ADAM22: variants seen among roughly 807,000 people sequenced by gnomAD.
The protein encoded by ADAM22 is ADAM metallopeptidase domain 22, also known as disintegrin and metalloproteinase domain-containing protein 22.
A neutral mutation model predicts 144.6 loss-of-function variants in ADAM22; 65 were observed. The ratio of observed to expected loss-of-function variants is 0.45; its 90% CI spans 0.37 to 0.55. The LOEUF (loss-of-function observed/expected upper bound fraction) is 0.55. ADAM22 is among the 20% of genes least tolerant of loss of function. ADAM22 has a pLI of 0.00. For missense variants in ADAM22, 974 were observed against 1,184.9 expected, an observed-to-expected ratio of 0.82 and a Z score of 2.61; for synonymous variants, 391 against 412.6, an observed-to-expected ratio of 0.95 and a Z score of 0.63.
chr7:87,966,571 T>C (rs1467432873), intron 2 of ADAM22, among the ~76,000 whole-genome samples: 2 of 152,112 alleles, frequency 1.3e-5, no homozygotes, highest in Non-Finnish European at 2.9e-5. Flanking sequence ...TCTGTCTTTT[T>C]GTCTTTGCCT....
In ADAM22 at chr7:88,134,413, G is replaced by A. The variant is rs764293330; in HGVS notation, c.1162G>A (p.Ala388Thr). ...IGIISDKRKL[A>T]SGECKCEDTW... ...TATTATCTCAGACAAAAGAAAGTTAGCAAGTGGTAAGTTTTAGTACATGTG... is the reference window on the plus strand; with the variant it reads ...TATTATCTCAGACAAAAGAAAGTTAACAAGTGGTAAGTTTTAGTACATGTG... Residue 388 changes from alanine (A) to threonine (T), a missense_variant, in exon 13 of 32, where the codon GCA (alanine) becomes ACA (threonine). Ala to Thr is a moderately conservative substitution (Grantham distance 58). This residue lies in a region of ADAM22 where 734 missense variants were observed against 950.6 expected (regional missense o/e 0.77). Transcript: ENST00000413139. 3.7e-6 allele frequency: 6 copies of A among 1,606,592 alleles called. No homozygotes were observed. Among genetic ancestry groups the A allele is most frequent in the Non-Finnish European group, 4.3e-6 (5 of 1,175,662 alleles).
chr7:88,140,487 G>T (rs899982080), intron 14 of ADAM22, among the ~76,000 whole-genome samples: 3 of 152,078 alleles, frequency 2.0e-5, no homozygotes, highest in Non-Finnish European at 4.4e-5. Context: ...GAAGAATAAA[G>T]TTTGTCTTGT....
At chr7:88,084,272 C>G (rs1283217386) in intron 4 of ADAM22, among the ~76,000 whole-genome samples, 2 of 152,186 alleles carry the variant, frequency 1.3e-5, no homozygotes, top group Non-Finnish European at 2.9e-5. Flanking sequence ...GACTTTGCTG[C>G]ACAATCTTTG....
Position 88,067,618 on chromosome 7 carries a change from T to C in ADAM22, c.324-8008T>C, listed in dbSNP as rs1170951382. Among the ~76,000 whole-genome samples the C allele has an allele frequency of 3.3e-5, 5 of 152,204 alleles. No homozygotes were observed. In the South Asian group the frequency reaches 1.0e-3, roughly 31 times the overall value. On this transcript the variant is annotated intron_variant, in intron 3 of 31. Transcript: ENST00000413139. ...TAGGCCTGACGGTGTCTAGGCATTT[T>C]TTTAAAAAATCTGATTCTGCTGCAA...
intron 4 of ADAM22, among the ~76,000 whole-genome samples, chr7:88,080,789 C>T: frequency 6.6e-6 from 1 of 152,180 alleles, no homozygotes; most frequent in African/African-American, 2.4e-5. Flanking sequence ...TCTCCCAAGA[C>T]TAAACCAGGA....
At chr7:87,969,086 G>A (rs955099925) in intron 2 of ADAM22, among the ~76,000 whole-genome samples, 2 of 152,108 alleles carry the variant, frequency 1.3e-5, no homozygotes, top group Admixed American at 6.5e-5. Context: ...CCAACACTGG[G>A]GATTACAATT....
At chr7:88,042,164 G>C (rs752587836) in intron 3 of ADAM22, among the ~76,000 whole-genome samples, 5 of 151,852 alleles carry the variant, frequency 3.3e-5, no homozygotes, top group Non-Finnish European at 7.4e-5. Context: ...CTTTCTCACT[G>C]TTTTCCATTG....
intron 3 of ADAM22, among the ~76,000 whole-genome samples, chr7:87,989,509 C>T (rs984843538): frequency 3.3e-5 from 5 of 152,164 alleles, no homozygotes; most frequent in Non-Finnish European, 7.4e-5. Flanking sequence ...AAGTGATTCT[C>T]CCCTGTATAG....
At chr7:87,937,546 C>G (rs1841531511) in intron 2 of ADAM22, among the ~76,000 whole-genome samples, 1 of 152,188 alleles carries the variant, frequency 6.6e-6, no homozygotes, top group South Asian at 2.1e-4. Flanking sequence ...TTGGGTACCT[C>G]TTGCCTTTTC....
At chr7:88,077,832 ACAAAGCAGCC>A (rs1815082990) in intron 4 of ADAM22, among the ~76,000 whole-genome samples, 1 of 152,168 alleles carries the variant, frequency 6.6e-6, no homozygotes, top group Non-Finnish European at 1.5e-5. Flanking sequence ...CAGTAGGTAA[ACAAAGCAGCC>A]CAGAAGCTCG....
At chr7:88,154,725 A>G (rs1236902369) in intron 21 of ADAM22, among the ~76,000 whole-genome samples, 1 of 152,192 alleles carries the variant, frequency 6.6e-6, no homozygotes, top group Non-Finnish European at 1.5e-5. Context: ...TTGAATGAAT[A>G]TCTCTTCTCT....
At chr7:87,948,753 A>G (rs149156001) in intron 2 of ADAM22, among the ~76,000 whole-genome samples, 112 of 152,280 alleles carry the variant, frequency 7.4e-4, no homozygotes, top group African/African-American at 2.6e-3. Context: ...GTGCATGCTT[A>G]TGTGTCCATT....
chr7:87,955,755 C>T (rs958363717), intron 2 of ADAM22, among the ~76,000 whole-genome samples: 3 of 152,234 alleles, frequency 2.0e-5, no homozygotes, highest in East Asian at 1.9e-4. Flanking sequence ...GCAGGCAGGC[C>T]TCCTTGAGCT....
chr7:88,142,719 T>C (rs1215911375), intron 14 of ADAM22, among the ~76,000 whole-genome samples: 1 of 151,792 alleles, frequency 6.6e-6, no homozygotes, highest in Non-Finnish European at 1.5e-5. Context: ...GCGCCTGTAG[T>C]CCCAGCTACT....
chr7:88,013,787 C>T (rs747414545), intron 3 of ADAM22, among the ~76,000 whole-genome samples: 1 of 152,132 alleles, frequency 6.6e-6, no homozygotes, highest in Non-Finnish European at 1.5e-5. Context: ...TTAGTATGTT[C>T]ATACTCATAG....
intron 21 of ADAM22, 81 bp from the exon 22 acceptor site, chr7:88,155,806 A>C: frequency 6.7e-7 from 1 of 1,501,674 alleles, no homozygotes; most frequent in Non-Finnish European, 9.0e-7. Context: ...ACCAAATGCT[A>C]AAATGAGAGA....
chr7:88,116,670 C>A, intron 6 of ADAM22, 75 bp from the exon 7 acceptor site: 1 of 1,256,170 alleles, frequency 8.0e-7, no homozygotes, highest in Non-Finnish European at 1.2e-6. Context: ...TTTTAAGGGT[C>A]TCCAGCTATG....
At chr7:87,991,979 A>C (rs1305710087) in intron 3 of ADAM22, among the ~76,000 whole-genome samples, 1 of 152,208 alleles carries the variant, frequency 6.6e-6, no homozygotes, top group East Asian at 1.9e-4. Flanking sequence ...ATTTGATCAG[A>C]GATAAGTGAA....
At chr7:87,958,887 A>G (rs986924883) in intron 2 of ADAM22, among the ~76,000 whole-genome samples, 3 of 151,996 alleles carry the variant, frequency 2.0e-5, no homozygotes, top group Non-Finnish European at 4.4e-5. Context: ...ATTCTGGATT[A>G]TTCTCTATTA....
Sources: allele counts gnomAD v4.1 joint callset (sites outside exome capture counted in the v4.1 genomes callset), GRCh38; gene constraint gnomAD v4.1.1; regional missense constraint gnomAD v4.1.1; transcripts MANE v1.5; gene names NCBI Gene and HGNC (gene_info 2026-07-23, HGNC 2026-07-21).